Variants in SYNJ2BP observed in about 807,000 individuals in gnomAD.
SYNJ2BP encodes the protein synaptojanin-2-binding protein.
A neutral mutation model predicts 16.9 loss-of-function variants in SYNJ2BP; 10 were observed. That is an observed-to-expected ratio of 0.59 (90% confidence interval 0.36 to 1.00). The LOEUF (loss-of-function observed/expected upper bound fraction) is 1.00. Ranked by LOEUF, SYNJ2BP falls within the 50% of genes least tolerant of loss-of-function variation. The probability of loss-of-function intolerance (pLI) is 0.01; values close to 1 mark genes in which losing one functional copy is unlikely to be tolerated. For synonymous variants in SYNJ2BP, 54 were observed against 68.4 expected, an observed-to-expected ratio of 0.79 and a Z score of 1.04; for missense variants, 162 against 186.7, an observed-to-expected ratio of 0.87 and a Z score of 0.77.
intron 1 of SYNJ2BP, among the ~76,000 whole-genome samples, chr14:70,388,928 T>C (rs1887920470): frequency 6.7e-6 from 1 of 148,474 alleles, no homozygotes. Context: ...TTCTTTTTCT[T>C]TTTTTTTTTT....
At chr14:70,414,763 G>C (rs1888565846) in intron 1 of SYNJ2BP, among the ~76,000 whole-genome samples, 1 of 152,138 alleles carries the variant, frequency 6.6e-6, no homozygotes, top group Non-Finnish European at 1.5e-5. Flanking sequence ...AGAACAACTA[G>C]AGCCTTTAAA....
At chr14:70,381,093 C>T (rs1041474785) in intron 2 of SYNJ2BP, among the ~76,000 whole-genome samples, 6 of 152,196 alleles carry the variant, frequency 3.9e-5, no homozygotes, top group Non-Finnish European at 5.9e-5. Flanking sequence ...GCCTGACTGA[C>T]ATAATCTCAG....
chr14:70,394,017 A>G (rs1888036673), intron 1 of SYNJ2BP, among the ~76,000 whole-genome samples: 1 of 151,890 alleles, frequency 6.6e-6, no homozygotes, highest in Non-Finnish European at 1.5e-5. Context: ...GATCCTTAAT[A>G]ATATATTCTT....
At chr14:70,376,831 A>G (rs780975708) in intron 2 of SYNJ2BP, among the ~76,000 whole-genome samples, 24 of 152,114 alleles carry the variant, frequency 1.6e-4, no homozygotes, top group Non-Finnish European at 3.2e-4. Flanking sequence ...TTATTCTTCC[A>G]TCTTGACTCA....
intron 1 of SYNJ2BP, among the ~76,000 whole-genome samples, chr14:70,389,044 C>T (rs1887923166): frequency 6.6e-6 from 1 of 151,744 alleles, no homozygotes; most frequent in African/African-American, 2.4e-5. Context: ...TGGCCTCAAG[C>T]AATCACTATT....
At chr14:70,387,088 CTTTTA>C (rs753633822) in intron 2 of SYNJ2BP, among the ~76,000 whole-genome samples, 1 of 152,080 alleles carries the variant, frequency 6.6e-6, no homozygotes, top group Non-Finnish European at 1.5e-5. Flanking sequence ...TTTCAATTTC[CTTTTA>C]TTTAAGTCTA....
intron 1 of SYNJ2BP, among the ~76,000 whole-genome samples, chr14:70,401,247 C>T (rs2140859125): frequency 6.6e-6 from 1 of 152,186 alleles, no homozygotes; most frequent in East Asian, 1.9e-4. Flanking sequence ...TGGTTAAAAT[C>T]TGATAATAAG....
At chr14:70,401,497 T>A (rs1206742195) in intron 1 of SYNJ2BP, among the ~76,000 whole-genome samples, 1 of 150,394 alleles carries the variant, frequency 6.6e-6, no homozygotes, top group East Asian at 2.0e-4. Flanking sequence ...CTTTCTGCTT[T>A]TTTCCTCTCT....
chr14:70,411,676 G>A lies in SYNJ2BP; in HGVS notation c.64+5224C>T, dbSNP rs186329600. Among the ~76,000 whole-genome samples the A allele has an allele frequency of 6.7e-4, 102 of 152,254 alleles. 1 individual carries two copies. Among genetic ancestry groups the A allele is most frequent in the African/African-American group, 2.4e-3 (100 of 41,574 alleles). On this transcript the variant is annotated intron_variant, in intron 1 of 3. Transcript: ENST00000256366. ...TGACTCTGGCCCTAGCCTAAAGCCT[G>A]TCCATTCCAGAAGACCCACAAGTTC...
At chr14:70,389,143 T>A (rs777070956) in intron 1 of SYNJ2BP, among the ~76,000 whole-genome samples, 10 of 152,124 alleles carry the variant, frequency 6.6e-5, no homozygotes, top group Non-Finnish European at 1.3e-4. Flanking sequence ...TTAGTTTTGA[T>A]CCTGTTGATG....
intron 1 of SYNJ2BP, among the ~76,000 whole-genome samples, chr14:70,395,598 C>A (rs1268557329): frequency 1.3e-5 from 2 of 152,272 alleles, no homozygotes; most frequent in African/African-American, 2.4e-5. Context: ...GGATACACAA[C>A]CCCCCTGTCT....
intron 1 of SYNJ2BP, among the ~76,000 whole-genome samples, chr14:70,399,412 C>T (rs1230261514): frequency 6.6e-6 from 1 of 152,232 alleles, no homozygotes; most frequent in Non-Finnish European, 1.5e-5. Context: ...CCAGCCCTGC[C>T]TCCTCCCCAC....
rs1405626509 is a variant in SYNJ2BP, at chr14:70,369,856, C to T, written c.*3135G>A. The T allele has an allele frequency of 1.3e-5, 2 of 152,140 alleles. No individual in the cohort carries two copies. The highest frequency in any genetic ancestry group is 2.9e-5 in the Non-Finnish European group (2 of 68,008). 9.4% of individuals were successfully genotyped at this position (152,140 alleles called of 1,614,324 possible). The stretch of plus-strand genomic sequence containing the variant: ...TGTTTTAAGTACTTAAAAATACCTT[C>T]GTTCAATTTTCAAAACTTTGAACGT... On this transcript the variant is annotated 3_prime_UTR_variant, in exon 4 of 4. Coordinates refer to ENST00000256366, the MANE Select transcript of SYNJ2BP (RefSeq NM_018373.3).
chr14:70,387,554 G>A lies in SYNJ2BP; in HGVS notation c.201+916C>T, dbSNP rs186377050. Reference sequence around the variant, plus strand: ...AAAGGTTAAAAAAAGATCTTAGGCCGGGCCCGGTGGCTCACGCCTGTAATC... The same window carrying A: ...AAAGGTTAAAAAAAGATCTTAGGCCAGGCCCGGTGGCTCACGCCTGTAATC... On this transcript the variant is annotated intron_variant, in intron 2 of 3. Coordinates refer to ENST00000256366, the MANE Select transcript of SYNJ2BP (RefSeq NM_018373.3). 1.6e-4 allele frequency among the ~76,000 whole-genome samples: 25 copies of A among 152,170 alleles called. 1 individual carries two copies. The highest frequency in any genetic ancestry group is 4.1e-4 in the African/African-American group (17 of 41,538).
intron 2 of SYNJ2BP, among the ~76,000 whole-genome samples, chr14:70,378,424 C>CT (rs34309608): frequency 0.11 from 12,381 of 110,216 alleles, 1,306 homozygotes; most frequent in Non-Finnish European, 0.14. Flanking sequence ...TTCCTTCAAA[C>CT]TTTTTTTTTT....
chr14:70,412,548 CAG>C (rs1888503204), intron 1 of SYNJ2BP, among the ~76,000 whole-genome samples: 1 of 145,360 alleles, frequency 6.9e-6, no homozygotes, highest in African/African-American at 2.5e-5. Context: ...AGTATATATA[CAG>C]TATATATATG....
At chr14:70,413,327 G>A (rs962321450) in intron 1 of SYNJ2BP, among the ~76,000 whole-genome samples, 3 of 152,168 alleles carry the variant, frequency 2.0e-5, no homozygotes, top group Admixed American at 6.5e-5. Context: ...AAGTAATTGC[G>A]GTTCTGCCAT....
In SYNJ2BP at chr14:70,372,610, G is replaced by T; in HGVS notation, c.*381C>A. On this transcript the variant is annotated 3_prime_UTR_variant, in exon 4 of 4. Coordinates refer to ENST00000256366, the MANE Select transcript of SYNJ2BP (RefSeq NM_018373.3). Reference sequence around the variant, plus strand: ...ATTTCCCAAGGAAGATCATTAAAAAGAAAAATCCTTTCTTCCTCTAATATC... The same window carrying T: ...ATTTCCCAAGGAAGATCATTAAAAATAAAAATCCTTTCTTCCTCTAATATC... 6.1e-6 allele frequency: 1 copy of T among 164,276 alleles called. No homozygotes were observed. Among genetic ancestry groups the T allele is most frequent in the Non-Finnish European group, 1.3e-5 (1 of 76,178 alleles). The allele number at this position is 164,276 out of a possible 1,614,324, so 10.2% of individuals were successfully genotyped here.
At chr14:70,401,473 T>C (rs1469712261) in intron 1 of SYNJ2BP, among the ~76,000 whole-genome samples, 1 of 147,670 alleles carries the variant, frequency 6.8e-6, no homozygotes, top group African/African-American at 2.5e-5. Context: ...CTATCTTTTG[T>C]GGGGGGGAAA....
Sources: allele counts gnomAD v4.1 joint callset (sites outside exome capture counted in the v4.1 genomes callset), GRCh38; gene constraint gnomAD v4.1.1; transcripts MANE v1.5; gene names NCBI Gene and HGNC (gene_info 2026-07-23, HGNC 2026-07-21).